Variants in AFG2A observed in about 807,000 individuals in gnomAD.
The protein encoded by AFG2A is ATPase family gene 2 protein homolog A.
chr4:123,017,931 C>T, the AFG2A span, among the ~76,000 whole-genome samples: 2 of 152,202 alleles, frequency 1.3e-5, no homozygotes, highest in East Asian at 3.8e-4. Flanking sequence ...GCCCCTGGAG[C>T]TACGGAATTC....
At chr4:122,993,192 C>T in the AFG2A span, among the ~76,000 whole-genome samples, 17 of 151,670 alleles carry the variant, frequency 1.1e-4, no homozygotes, top group East Asian at 9.7e-4. Flanking sequence ...GAGGTTTTAC[C>T]ATGTTGGCCA....
At chr4:123,252,833 A>G in the AFG2A span, among the ~76,000 whole-genome samples, 1 of 152,280 alleles carries the variant, frequency 6.6e-6, no homozygotes, top group Non-Finnish European at 1.5e-5. Flanking sequence ...TTTTGCTACT[A>G]TAGATTAGAT....
At chr4:123,311,611 A>G in the AFG2A span, among the ~76,000 whole-genome samples, 6 of 134,468 alleles carry the variant, frequency 4.5e-5, no homozygotes, top group African/African-American at 1.4e-4. Context: ...TGGTGACAGA[A>G]CGAGACTCTG....
At chr4:123,028,318 G>C in the AFG2A span, 2 of 1,614,048 alleles carry the variant, frequency 1.2e-6, no homozygotes. Flanking sequence ...TCTTCTCTAT[G>C]GGCCACCTGG....
chr4:122,941,395 A>G, the AFG2A span, among the ~76,000 whole-genome samples: 9 of 152,136 alleles, frequency 5.9e-5, no homozygotes, highest in Admixed American at 2.6e-4. Context: ...CTTTGAAGCA[A>G]TTGTGAATGG....
At chr4:123,050,027 A>G in the AFG2A span, among the ~76,000 whole-genome samples, 1 of 152,096 alleles carries the variant, frequency 6.6e-6, no homozygotes, top group African/African-American at 2.4e-5. Context: ...ACTGGTTTCA[A>G]GAAATTTTAA....
chr4:123,248,952 C>T, the AFG2A span, among the ~76,000 whole-genome samples: 15 of 152,136 alleles, frequency 9.9e-5, no homozygotes, highest in African/African-American at 3.6e-4. Flanking sequence ...CTTACTGAAG[C>T]ATACATGCCA....
At chr4:123,169,712 C>G in the AFG2A span, among the ~76,000 whole-genome samples, 1 of 152,122 alleles carries the variant, frequency 6.6e-6, no homozygotes, top group African/African-American at 2.4e-5. Context: ...AACTTCTGAC[C>G]TCAAATGATC....
At chr4:123,229,691 C>T in the AFG2A span, among the ~76,000 whole-genome samples, 5 of 151,918 alleles carry the variant, frequency 3.3e-5, no homozygotes, top group African/African-American at 1.2e-4. Context: ...ATGGAAATGC[C>T]GTTTCCTGAG....
chr4:122,995,848 T>G, the AFG2A span, among the ~76,000 whole-genome samples: 1 of 152,214 alleles, frequency 6.6e-6, no homozygotes, highest in South Asian at 2.1e-4. Flanking sequence ...GTTACATATT[T>G]TCAGACAGAG....
chr4:123,281,263 T>C, the AFG2A span, among the ~76,000 whole-genome samples: 1 of 152,234 alleles, frequency 6.6e-6, no homozygotes, highest in East Asian at 1.9e-4. Context: ...AAAATATGTC[T>C]CCCTTCTAAG....
the AFG2A span, among the ~76,000 whole-genome samples, chr4:123,094,353 T>A: frequency 6.6e-6 from 1 of 152,234 alleles, no homozygotes; most frequent in Admixed American, 6.5e-5. Context: ...CTTGAATTAG[T>A]TTTTTAGGTT....
chr4:123,034,683 G>A, the AFG2A span, among the ~76,000 whole-genome samples: 2 of 151,954 alleles, frequency 1.3e-5, no homozygotes, highest in Non-Finnish European at 2.9e-5. Flanking sequence ...AATATACCAT[G>A]CTAATATGAG....
chr4:122,986,602 G>GTCC, the AFG2A span, among the ~76,000 whole-genome samples: 1 of 152,080 alleles, frequency 6.6e-6, no homozygotes, highest in Non-Finnish European at 1.5e-5. Flanking sequence ...CGGGAAGAAT[G>GTCC]GGAGGGGGGT....
At chr4:123,199,461 G>GGT in the AFG2A span, among the ~76,000 whole-genome samples, 1,905 of 73,754 alleles carry the variant, frequency 0.026, 369 homozygotes, top group Non-Finnish European at 0.054. Context: ...TATACTCAGA[G>GGT]GTTTTTTTTT....
chr4:123,258,977 C>A, the AFG2A span, among the ~76,000 whole-genome samples: 1 of 151,474 alleles, frequency 6.6e-6, no homozygotes, highest in Admixed American at 6.6e-5. Flanking sequence ...AGCAATTCTC[C>A]TGCCTCAGCC....
the AFG2A span, among the ~76,000 whole-genome samples, chr4:123,165,763 G>A: frequency 6.6e-6 from 1 of 151,968 alleles, no homozygotes. Flanking sequence ...TTTAAGTCAA[G>A]TATTCTACCC....
the AFG2A span, among the ~76,000 whole-genome samples, chr4:122,948,385 TATAC>T: frequency 1.2e-5 from 1 of 80,202 alleles, no homozygotes; most frequent in African/African-American, 4.0e-5. Context: ...TTCTCCAGAG[TATAC>T]ACACACACAC....
the AFG2A span, among the ~76,000 whole-genome samples, chr4:123,184,378 T>G: frequency 0.023 from 3,433 of 152,232 alleles, 135 homozygotes; most frequent in African/African-American, 0.076. Flanking sequence ...TAAGTCTGAT[T>G]GTGGTTCATG....
Sources: gnomAD v4.1 joint callset for allele counts (sites outside exome capture counted in the v4.1 genomes callset) on GRCh38, gnomAD v4.1.1 for gene constraint, MANE v1.5 for transcripts, NCBI Gene and HGNC (gene_info 2026-07-23, HGNC 2026-07-21) for gene names.